The following ABL1 variants were observed in gnomAD, a reference collection of about 807,000 sequenced individuals.
ABL1 encodes tyrosine-protein kinase ABL1.
Under a neutral mutation model 94.7 loss-of-function variants are expected in ABL1, and 11 were observed. That is an observed-to-expected ratio of 0.12 (90% CI 0.07 to 0.19). The LOEUF is 0.19. Among genes scored for constraint, ABL1 ranks in the 10% least tolerant of loss-of-function variants. ABL1 has a pLI of 1.00. For missense variants in ABL1, 1,082 were observed against 1,489.4 expected (o/e 0.73, Z 4.50); for synonymous variants, 656 against 622.4 (o/e 1.05, Z -0.80).
chr9:130,811,059 A>G lies in ABL1; in HGVS notation c.137-43005A>G, dbSNP rs1320987709. On this transcript the variant is annotated intron_variant, in intron 1 of 10. Transcript: ENST00000372348. ...TACCTAGAATTCTTTTCTCAGTGAA[A>G]ATACCTTTCAAAAATGAAGGCAAAA... Among the ~76,000 whole-genome samples, 3 of 152,322 alleles carry G rather than the reference A, an allele frequency of 2.0e-5. No homozygotes were observed. The East Asian group carries it at 5.8e-4, about 29-fold the overall frequency.
chr9:130,808,599 A>T (rs896196735), intron 1 of ABL1, among the ~76,000 whole-genome samples: 6 of 152,172 alleles, frequency 3.9e-5, no homozygotes, highest in Non-Finnish European at 7.3e-5. Flanking sequence ...AGGTGGGTAG[A>T]TAGATAGGGC....
chr9:130,833,113 A>G (rs1830513596), upstream of ABL1, among the ~76,000 whole-genome samples: 1 of 152,234 alleles, frequency 6.6e-6, no homozygotes, highest in South Asian at 2.1e-4. Context: ...AAATAAACAT[A>G]TACCAATATA....
chr9:130,823,932 G>A (rs1375183091), intron 1 of ABL1, among the ~76,000 whole-genome samples: 1 of 152,180 alleles, frequency 6.6e-6, no homozygotes, highest in Non-Finnish European at 1.5e-5. Context: ...TAGTTGATAT[G>A]CAATTGTTGG....
chr9:130,853,995 A>G (rs1258608197), intron 1 of ABL1, 69 bp from the exon 2 acceptor site: 1 of 1,511,954 alleles, frequency 6.6e-7, no homozygotes, highest in Non-Finnish European at 8.9e-7. Flanking sequence ...GCTTCTGAGA[A>G]TAAAACTAAT....
Position 130,884,037 on chromosome 9 carries a change from G to A in ABL1, c.1747G>A (p.Gly583Ser), listed in dbSNP as rs373147618. ...AAAAGAGCGAGGTCCCCCGGAGGGCGGCCTGAATGAAGATGAGCGCCTTCT... is the reference window on the plus strand; with the variant it reads ...AAAAGAGCGAGGTCCCCCGGAGGGCAGCCTGAATGAAGATGAGCGCCTTCT... ...PRKERGPPEG[G>S]LNEDERLLPK... Residue 583 changes from glycine to serine, a missense_variant, in exon 11 of 11, where the codon GGC (glycine) becomes AGC (serine). Coordinates refer to ENST00000318560, the MANE Select transcript of ABL1 (RefSeq NM_005157.6). This position sits in a 1 kb window ranked among gnomAD's most constrained non-coding sequence, Gnocchi z 5.6. 1.9e-5 allele frequency: 30 copies of A among 1,613,780 alleles called. No individual in the cohort carries two copies. The highest frequency in any genetic ancestry group is 3.3e-4 in the Middle Eastern group (2 of 6,084).
intron 1 of ABL1, among the ~76,000 whole-genome samples, chr9:130,742,000 C>T (rs970614789): frequency 6.6e-6 from 1 of 152,100 alleles, no homozygotes; most frequent in Non-Finnish European, 1.5e-5. Flanking sequence ...TCAGACAGGG[C>T]CTGGGTGCCC....
chr9:130,798,864 G>A (rs544219154), intron 1 of ABL1, among the ~76,000 whole-genome samples: 32 of 151,742 alleles, frequency 2.1e-4, no homozygotes, highest in African/African-American at 7.5e-4. Context: ...CCAGCTACTC[G>A]GGAGGCTGAG....
chr9:130,725,831 T>TTTTTTGTTTTTTG (rs1231732553), intron 1 of ABL1, among the ~76,000 whole-genome samples: 2 of 87,124 alleles, frequency 2.3e-5, no homozygotes, highest in African/African-American at 1.3e-4. Flanking sequence ...GTGGTTTTTT[T>TTTTTTGTTTTTTG]TTTTTTTTTT....
At chr9:130,798,089 A>C (rs771318704) in intron 1 of ABL1, among the ~76,000 whole-genome samples, 4 of 152,222 alleles carry the variant, frequency 2.6e-5, no homozygotes, top group Non-Finnish European at 5.9e-5. Flanking sequence ...TTTTGATTGA[A>C]ATTGTTTTTA....
At chr9:130,781,083 A>G (rs1383935928) in intron 1 of ABL1, among the ~76,000 whole-genome samples, 2 of 152,238 alleles carry the variant, frequency 1.3e-5, no homozygotes, top group East Asian at 3.8e-4. Flanking sequence ...GAGTCAACGC[A>G]GTCCCAAGAG....
At chr9:130,738,725 T>C (rs991347026) in intron 1 of ABL1, among the ~76,000 whole-genome samples, 1 of 152,210 alleles carries the variant, frequency 6.6e-6, no homozygotes, top group Non-Finnish European at 1.5e-5. Flanking sequence ...TTGGTTTTGT[T>C]ATATGTCATT....
intron 1 of ABL1, among the ~76,000 whole-genome samples, chr9:130,781,096 C>T (rs1234293057): frequency 6.6e-6 from 1 of 152,138 alleles, no homozygotes; most frequent in Non-Finnish European, 1.5e-5. Flanking sequence ...CCCAAGAGAG[C>T]AGTAATGGCC....
chr9:130,801,764 C>G (rs1411959722), intron 1 of ABL1, among the ~76,000 whole-genome samples: 2 of 152,114 alleles, frequency 1.3e-5, no homozygotes, highest in African/African-American at 4.8e-5. Flanking sequence ...GAAGTCAGCC[C>G]TTCATTGGGT....
intron 8 of ABL1, 81 bp downstream of exon 8, chr9:130,878,648 T>G: frequency 6.5e-7 from 1 of 1,528,250 alleles, no homozygotes; most frequent in Non-Finnish European, 8.9e-7. Flanking sequence ...GTACACAAAG[T>G]TGAAAGTTTT....
chr9:130,717,423 G>C (rs1485597726), intron 1 of ABL1, among the ~76,000 whole-genome samples: 1 of 152,100 alleles, frequency 6.6e-6, no homozygotes, highest in Non-Finnish European at 1.5e-5. Context: ...CAAAATGGAG[G>C]CCAGGTGCTG....
At chr9:130,765,539 G>T (rs1832172530) in intron 1 of ABL1, among the ~76,000 whole-genome samples, 1 of 152,158 alleles carries the variant, frequency 6.6e-6, no homozygotes, top group Non-Finnish European at 1.5e-5. Flanking sequence ...TACATCAAAA[G>T]AATAGAAACT....
intron 4 of ABL1, among the ~76,000 whole-genome samples, chr9:130,868,590 C>G (rs1184851870): frequency 7.4e-6 from 1 of 135,684 alleles, no homozygotes; most frequent in African/African-American, 2.8e-5. Context: ...GTGGCATGAT[C>G]TCAGTTCACT....
intron 1 of ABL1, among the ~76,000 whole-genome samples, chr9:130,800,194 C>T (rs1295077564): frequency 6.6e-6 from 1 of 151,966 alleles, no homozygotes; most frequent in African/African-American, 2.4e-5. Context: ...TTTATAGATA[C>T]TTATTGAATT....
chr9:130,836,526 A>T (rs186464925), intron 1 of ABL1, among the ~76,000 whole-genome samples: 2 of 152,282 alleles, frequency 1.3e-5, no homozygotes, highest in East Asian at 3.9e-4. Context: ...AACTAAGAAT[A>T]TAAGAGTAAA....
Sources: allele counts gnomAD v4.1 joint callset (sites outside exome capture counted in the v4.1 genomes callset), GRCh38; gene constraint gnomAD v4.1.1; non-coding constraint Gnocchi (gnomAD v3.1); transcripts MANE v1.5; gene names NCBI Gene and HGNC (gene_info 2026-07-23, HGNC 2026-07-21).